Variants in GPALPP1 observed in about 807,000 individuals in gnomAD.
GPALPP1 encodes the protein GPALPP motifs containing 1.
Under a neutral mutation model 38.9 loss-of-function variants are expected in GPALPP1, and 30 were observed. That is an observed-to-expected ratio of 0.77 (90% CI 0.58 to 1.05). The LOEUF (loss-of-function observed/expected upper bound fraction) is 1.05, where lower values mean the gene tolerates loss of function less well. Among genes scored for constraint, GPALPP1 ranks in the 50% least tolerant of loss-of-function variants. The probability of loss-of-function intolerance (pLI) is 0.00; values close to 1 mark genes in which losing one functional copy is unlikely to be tolerated. For missense variants in GPALPP1, 384 were observed against 408.8 expected, an observed-to-expected ratio of 0.94 and a Z score of 0.52; for synonymous variants, 120 against 139.2, an observed-to-expected ratio of 0.86 and a Z score of 0.97.
intron 1 of GPALPP1, among the ~76,000 whole-genome samples, chr13:44,997,778 C>T (rs1339132599): frequency 6.6e-6 from 1 of 152,188 alleles, no homozygotes; most frequent in East Asian, 1.9e-4. Context: ...CATCCACTCT[C>T]TTGCTGGTGC....
In GPALPP1 at chr13:45,011,659, G is replaced by A. The variant is rs570867380; in HGVS notation, c.408+2780G>A. ...TATCTCCACCTGGTCCCTCCGACAC[G>A]TGGGGATTATGGGAACTGCAATTCA... On this transcript the variant is annotated intron_variant, in intron 4 of 7. Coordinates refer to ENST00000379151, the MANE Select transcript of GPALPP1 (RefSeq NM_018559.5). 1.6e-4 allele frequency among the ~76,000 whole-genome samples: 24 copies of A among 152,290 alleles called. No homozygotes were observed. The East Asian group carries it at 3.5e-3, about 22-fold the overall frequency.
chr13:44,993,197 G>A (rs1213972547), intron 1 of GPALPP1, among the ~76,000 whole-genome samples: 1 of 152,090 alleles, frequency 6.6e-6, no homozygotes, highest in African/African-American at 2.4e-5. Flanking sequence ...TTCATCTGTT[G>A]CTGGACCCTT....
intron 1 of GPALPP1, among the ~76,000 whole-genome samples, chr13:44,992,173 C>A (rs571701967): frequency 1.3e-5 from 2 of 152,194 alleles, no homozygotes; most frequent in African/African-American, 2.4e-5. Flanking sequence ...TAGTTTTTTT[C>A]TTTTAAATCC....
In GPALPP1 at chr13:45,014,881, G is replaced by A. The variant is rs948015763; in HGVS notation, c.409-71G>A. 4 of 1,173,406 alleles carry A rather than the reference G, an allele frequency of 3.4e-6. No homozygotes were observed. In the Admixed American group the frequency reaches 7.8e-5, roughly 23 times the overall value. The allele number at this position is 1,173,406 out of a possible 1,614,324, so 72.7% of individuals were successfully genotyped here. A position where few individuals can be genotyped will look rare whatever the true frequency, so the allele number is the denominator to read the frequency against. On this transcript the variant is annotated intron_variant, in intron 4 of 7. Coordinates refer to ENST00000379151, the MANE Select transcript of GPALPP1 (RefSeq NM_018559.5). ...GGATAATAAGTTTCAGTTAAATGCAGGTAATTTAGAATTATTTTTTATAAC... is the reference window on the plus strand; with the variant it reads ...GGATAATAAGTTTCAGTTAAATGCAAGTAATTTAGAATTATTTTTTATAAC...
chr13:45,004,165 A>G, intron 1 of GPALPP1, 140 bp from the exon 2 acceptor site: 1 of 663,978 alleles, frequency 1.5e-6, no homozygotes. Flanking sequence ...TACACAAACA[A>G]CAGCAATTGA....
intron 6 of GPALPP1, among the ~76,000 whole-genome samples, chr13:45,016,140 C>A (rs1874852015): frequency 6.6e-6 from 1 of 152,094 alleles, no homozygotes; most frequent in Admixed American, 6.6e-5. Flanking sequence ...GAACCACTGT[C>A]ATTAATACAG....
Position 45,020,706 on chromosome 13 carries a change from CTGTT to C in GPALPP1, c.804+280_804+283del, listed in dbSNP as rs1223893543. The stretch of plus-strand genomic sequence containing the variant: ...CTTTTTTCCCCTATCTTTTAGTTAT[CTGTT>C]TATTTTTTTCTCTTTTACTTATTTC... On this transcript the variant is annotated intron_variant, in intron 7 of 7. Transcript: ENST00000379151. Among the ~76,000 whole-genome samples, 10 of 148,452 alleles carry C rather than the reference CTGTT, an allele frequency of 6.7e-5. No individual in the cohort carries two copies. In the East Asian group the frequency reaches 2.0e-3, roughly 29 times the overall value.
At chr13:45,008,636 CAGAA>C (rs1447067564) in intron 3 of GPALPP1, among the ~76,000 whole-genome samples, 155 bp from the exon 4 acceptor site, 1 of 152,072 alleles carries the variant, frequency 6.6e-6, no homozygotes, top group African/African-American at 2.4e-5. Flanking sequence ...AGACGTCTAG[CAGAA>C]AGATACTAGG....
At position 45,014,951 on chromosome 13, in the gene GPALPP1, G is replaced by A; in HGVS notation, c.409-1G>A. On this transcript the variant is annotated splice_acceptor_variant, in intron 4 of 7. Coordinates refer to ENST00000379151, the MANE Select transcript of GPALPP1 (RefSeq NM_018559.5). LOFTEE classifies it high-confidence loss of function. ...TTAAAGGTAATGTCTTGTTTTAAAAGGAAACAGACAGCAGTGAAGATGAGG... is the reference window on the plus strand; with the variant it reads ...TTAAAGGTAATGTCTTGTTTTAAAAAGAAACAGACAGCAGTGAAGATGAGG... The A allele has an allele frequency of 1.3e-6, 2 of 1,578,556 alleles. No individual in the cohort carries two copies. Among genetic ancestry groups the A allele is most frequent in the Non-Finnish European group, 1.7e-6 (2 of 1,163,380 alleles).
intron 4 of GPALPP1, among the ~76,000 whole-genome samples, chr13:45,009,215 G>A (rs1254160638): frequency 6.6e-6 from 1 of 152,196 alleles, no homozygotes; most frequent in African/African-American, 2.4e-5. Flanking sequence ...GCCTTTAGGA[G>A]AGAAGGTTGA....
intron 1 of GPALPP1, among the ~76,000 whole-genome samples, chr13:45,000,945 G>A (rs1273724168): frequency 1.3e-5 from 2 of 152,172 alleles, no homozygotes; most frequent in African/African-American, 4.8e-5. Flanking sequence ...CACCAAGAGA[G>A]ATAGGAAAAA....
chr13:45,032,903 G>C (rs867274663), downstream of GPALPP1, among the ~76,000 whole-genome samples: 2 of 151,528 alleles, frequency 1.3e-5, no homozygotes, highest in Non-Finnish European at 2.9e-5. Flanking sequence ...TGGGCATGGC[G>C]GTGTGCGCCT....
At chr13:45,016,462 A>AT (rs1449386809) in intron 6 of GPALPP1, among the ~76,000 whole-genome samples, 2 of 152,104 alleles carry the variant, frequency 1.3e-5, no homozygotes, top group East Asian at 3.9e-4. Context: ...TCAAAAAAAA[A>AT]CAAAAAAACA....
chr13:45,036,442 G>A (rs1280093470), exon 8 of GPALPP1: 5 of 152,238 alleles, frequency 3.3e-5, no homozygotes, highest in Non-Finnish European at 7.3e-5. Context: ...AGGGAGCACT[G>A]GTGGGCTATA....
chr13:45,003,695 G>A (rs963386356), intron 1 of GPALPP1, among the ~76,000 whole-genome samples: 8 of 152,102 alleles, frequency 5.3e-5, no homozygotes, highest in African/African-American at 1.9e-4. Context: ...TCTGATAAGT[G>A]GACCTAGAAG....
At position 44,993,637 on chromosome 13, in the gene GPALPP1, G is replaced by A. The variant is rs181734201; in HGVS notation, c.88+3895G>A. On this transcript the variant is annotated intron_variant, in intron 1 of 7. Coordinates refer to ENST00000379151, the MANE Select transcript of GPALPP1 (RefSeq NM_018559.5). ...GTAGAGGTTGCAGTGAGCCGAGATCGCGCCACTGCACTCCAGCCTGGGCGA... is the reference window on the plus strand; with the variant it reads ...GTAGAGGTTGCAGTGAGCCGAGATCACGCCACTGCACTCCAGCCTGGGCGA... Among the ~76,000 whole-genome samples, 98 of 150,918 alleles carry A rather than the reference G, an allele frequency of 6.5e-4. No individual in the cohort carries two copies. In the East Asian group the frequency reaches 0.019, roughly 29 times the overall value.
At chr13:45,020,127 C>T (rs759318230) in intron 6 of GPALPP1, among the ~76,000 whole-genome samples, 2 of 151,908 alleles carry the variant, frequency 1.3e-5, no homozygotes, top group Non-Finnish European at 2.9e-5. Context: ...GTGATTCACC[C>T]GCCTTGGCCT....
intron 1 of GPALPP1, among the ~76,000 whole-genome samples, chr13:44,997,649 T>C (rs955756814): frequency 8.5e-5 from 13 of 152,302 alleles, no homozygotes; most frequent in Non-Finnish European, 1.5e-4. Context: ...ATTTGCTTTT[T>C]ATTTTTGTTT....
In GPALPP1 at chr13:45,015,599, G is replaced by T; in HGVS notation, c.705+3G>T. Reference sequence around the variant, plus strand: ...CTGATAGGGAAAGGAAAGCTAAGGTGAGAGGTTTTGTTTGTTTGTTCATGT... The same window carrying T: ...CTGATAGGGAAAGGAAAGCTAAGGTTAGAGGTTTTGTTTGTTTGTTCATGT... On this transcript the variant is annotated splice_donor_region_variant and intron_variant, in intron 6 of 7. Transcript: ENST00000379151. The T allele has an allele frequency of 6.8e-7, 1 of 1,468,628 alleles. No individual in the cohort carries two copies. Among genetic ancestry groups the T allele is most frequent in the South Asian group, 1.5e-5 (1 of 66,704 alleles). 91.0% of individuals were successfully genotyped at this position (1,468,628 alleles called of 1,614,324 possible). A position where few individuals can be genotyped will look rare whatever the true frequency, so the allele number is the denominator to read the frequency against.
Sources: gnomAD v4.1 joint callset for allele counts (sites outside exome capture counted in the v4.1 genomes callset) on GRCh38, gnomAD v4.1.1 for gene constraint, MANE v1.5 for transcripts, NCBI Gene and HGNC (gene_info 2026-07-23, HGNC 2026-07-21) for gene names.